Variants in RFX3 observed in about 807,000 individuals in gnomAD.
RFX3 encodes transcription factor RFX3.
Under a neutral mutation model 98.6 loss-of-function variants are expected in RFX3, and 14 were observed. The ratio of observed to expected loss-of-function variants is 0.14; its 90% confidence interval spans 0.09 to 0.22. RFX3 has a LOEUF of 0.22. Ranked by LOEUF, RFX3 falls within the 10% of genes least tolerant of loss-of-function variation. The pLI, the probability that RFX3 is intolerant of heterozygous loss-of-function variation, is 1.00. For missense variants in RFX3, 639 were observed against 926.9 expected, an observed-to-expected ratio of 0.69 and a Z score of 4.03; for synonymous variants, 383 against 328.4, an observed-to-expected ratio of 1.17 and a Z score of -1.80.
chr9:3,365,963 A>C (rs958035086), intron 2 of RFX3, among the ~76,000 whole-genome samples: 1 of 151,792 alleles, frequency 6.6e-6, no homozygotes, highest in Admixed American at 6.6e-5. Flanking sequence ...AGGAGTTACC[A>C]CTGGGAGGCT....
At chr9:3,236,989 T>G (rs923797066) in intron 15 of RFX3, among the ~76,000 whole-genome samples, 5 of 152,226 alleles carry the variant, frequency 3.3e-5, no homozygotes, top group African/African-American at 1.2e-4. Context: ...TCTGAAATAG[T>G]TTCTATCTTG....
chr9:3,479,127 C>T (rs945067030), intron 1 of RFX3, among the ~76,000 whole-genome samples: 1 of 152,172 alleles, frequency 6.6e-6, no homozygotes, highest in African/African-American at 2.4e-5. Context: ...ATGAGAATAA[C>T]CCCAAGTTAA....
chr9:3,300,578 A>G (rs1563886810), intron 5 of RFX3, among the ~76,000 whole-genome samples: 1 of 151,850 alleles, frequency 6.6e-6, no homozygotes, highest in Non-Finnish European at 1.5e-5. Flanking sequence ...GTGATCCAAT[A>G]TCGAGCTTTT....
At chr9:3,358,478 T>G (rs1036925506) in intron 2 of RFX3, among the ~76,000 whole-genome samples, 9 of 152,108 alleles carry the variant, frequency 5.9e-5, no homozygotes, top group African/African-American at 9.7e-5. Flanking sequence ...CTGGCTAACT[T>G]GTCTAGGATA....
intron 2 of RFX3, among the ~76,000 whole-genome samples, chr9:3,381,732 C>T (rs10971661): frequency 0.28 from 42,246 of 151,766 alleles, 7,433 homozygotes; most frequent in African/African-American, 0.5. Context: ...AAGCACAGAT[C>T]TAACAGGATC....
chr9:3,419,770 T>C (rs781767184), intron 1 of RFX3, among the ~76,000 whole-genome samples: 19 of 152,354 alleles, frequency 1.2e-4, no homozygotes, highest in Non-Finnish European at 2.2e-4. Context: ...TTTCATTTTT[T>C]ATTAATTATA....
intron 2 of RFX3, among the ~76,000 whole-genome samples, chr9:3,372,547 TTTC>T (rs780419726): frequency 5.3e-5 from 8 of 150,878 alleles, no homozygotes; most frequent in Admixed American, 1.3e-4. Context: ...TCTTTCTTTC[TTTC>T]TTTTTTTTTT....
intron 1 of RFX3, among the ~76,000 whole-genome samples, chr9:3,420,102 C>G (rs1268958362): frequency 6.6e-6 from 1 of 152,222 alleles, no homozygotes; most frequent in East Asian, 1.9e-4. Flanking sequence ...TTCCTCAGAA[C>G]TGCCTCCCAG....
chr9:3,401,755 T>C (rs1841487475), intron 1 of RFX3, among the ~76,000 whole-genome samples: 1 of 150,706 alleles, frequency 6.6e-6, no homozygotes, highest in African/African-American at 2.4e-5. Flanking sequence ...TTCTGGCTAA[T>C]TAAGCAGTTG....
At chr9:3,421,500 T>A (rs1039458381) in intron 1 of RFX3, among the ~76,000 whole-genome samples, 1 of 152,230 alleles carries the variant, frequency 6.6e-6, no homozygotes, top group Admixed American at 6.5e-5. Context: ...TAAAAATATA[T>A]GACAGAAGGT....
At chr9:3,261,680 G>T (rs1822913790) in intron 13 of RFX3, among the ~76,000 whole-genome samples, 1 of 152,058 alleles carries the variant, frequency 6.6e-6, no homozygotes. Context: ...GAACTGCTGA[G>T]TCATACGGTA....
At chr9:3,450,158 A>G (rs1846444167) in intron 1 of RFX3, among the ~76,000 whole-genome samples, 1 of 152,226 alleles carries the variant, frequency 6.6e-6, no homozygotes, top group Non-Finnish European at 1.5e-5. Context: ...AGCTTTCAAA[A>G]AGGTTCATCA....
intron 1 of RFX3, among the ~76,000 whole-genome samples, chr9:3,456,233 C>T (rs1334836300): frequency 6.6e-6 from 1 of 152,200 alleles, no homozygotes; most frequent in African/African-American, 2.4e-5. Flanking sequence ...CACATTCAAA[C>T]CATGGCACTG....
rs182649703 is a variant in RFX3, at chr9:3,279,128, T to C, written c.852-1667A>G. 1.1e-4 allele frequency among the ~76,000 whole-genome samples: 17 copies of C among 151,962 alleles called. No individual in the cohort carries two copies. The East Asian group carries it at 2.7e-3, about 24-fold the overall frequency. ...ATCTTTGAGAAGCAAAGAAACTTCA[T>C]GAGGCAAAAAAGCACTTTGTGTACA... On this transcript the variant is annotated intron_variant, in intron 7 of 16. Transcript: ENST00000617270.
chr9:3,384,392 G>A (rs1280787340), intron 2 of RFX3, among the ~76,000 whole-genome samples: 1 of 152,092 alleles, frequency 6.6e-6, no homozygotes, highest in East Asian at 1.9e-4. Context: ...TATAATTACT[G>A]TCCTGGCGTA....
intron 1 of RFX3, among the ~76,000 whole-genome samples, chr9:3,513,071 T>C (rs1050179576): frequency 6.6e-6 from 1 of 152,116 alleles, no homozygotes; most frequent in South Asian, 2.1e-4. Context: ...GAAATCTAAG[T>C]CATTTCGGGA....
At position 3,478,395 on chromosome 9, in the gene RFX3, G is replaced by A. The variant is rs1433015570; in HGVS notation, c.-9+47352C>T. Among the ~76,000 whole-genome samples the A allele has an allele frequency of 5.4e-5, 8 of 147,452 alleles. No individual in the cohort carries two copies. The East Asian group carries it at 1.6e-3, about 29-fold the overall frequency. On this transcript the variant is annotated intron_variant, in intron 1 of 16. Coordinates refer to ENST00000617270, the MANE Select transcript of RFX3 (RefSeq NM_001282116.2). ...ATTCCCCGTAGTGTGTGGCCACCGAGTTCTCTGCTAGAACTTTTTTTTTTT... is the reference window on the plus strand; with the variant it reads ...ATTCCCCGTAGTGTGTGGCCACCGAATTCTCTGCTAGAACTTTTTTTTTTT...
intron 5 of RFX3, among the ~76,000 whole-genome samples, chr9:3,295,373 G>C (rs1321843328): frequency 2.6e-5 from 4 of 152,064 alleles, no homozygotes; most frequent in African/African-American, 7.2e-5. Flanking sequence ...CTAGTGAGCT[G>C]TATTGTACAA....
chr9:3,481,376 T>G (rs1024970371), intron 1 of RFX3, among the ~76,000 whole-genome samples: 1 of 152,142 alleles, frequency 6.6e-6, no homozygotes, highest in African/African-American at 2.4e-5. Flanking sequence ...CAATCCTTAT[T>G]TTTATATACA....
Sources: allele counts gnomAD v4.1 joint callset (sites outside exome capture counted in the v4.1 genomes callset), GRCh38; gene constraint gnomAD v4.1.1; transcripts MANE v1.5; gene names NCBI Gene and HGNC (gene_info 2026-07-23, HGNC 2026-07-21).